The following CNKSR2 variants were observed in gnomAD, a reference collection of about 807,000 sequenced individuals.
The protein encoded by CNKSR2 is CNK homolog protein 2.
In CNKSR2, 14 loss-of-function variants were observed where a neutral mutation model predicts 84.4. That is an observed-to-expected ratio of 0.17 (90% CI 0.11 to 0.26). CNKSR2 has a LOEUF of 0.26. Ranked by LOEUF, CNKSR2 falls within the 10% of genes least tolerant of loss-of-function variation. The probability of loss-of-function intolerance (pLI) is 1.00; values close to 1 mark genes in which losing one functional copy is unlikely to be tolerated. For missense variants in CNKSR2, 485 were observed against 771.2 expected (o/e 0.63, Z 4.40); for synonymous variants, 275 against 277.9 (o/e 0.99, Z 0.10).
chrX:21,390,730 C>T (rs1047706539), intron 1 of CNKSR2, among the ~76,000 whole-genome samples: 5 of 111,907 alleles, frequency 4.5e-5, no homozygotes, highest in African/African-American at 1.6e-4. Flanking sequence ...TTGCAAAATA[C>T]AATCATCCCT....
At chrX:21,604,157 A>C (rs1393861796) in intron 18 of CNKSR2, among the ~76,000 whole-genome samples, 2 of 111,936 alleles carry the variant, frequency 1.8e-5, no homozygotes, top group Non-Finnish European at 3.8e-5. Flanking sequence ...TGCTCTCTCA[A>C]AGACACACAG....
chrX:21,613,713 G>A (rs1055541741), intron 20 of CNKSR2, among the ~76,000 whole-genome samples: 4 of 112,397 alleles, frequency 3.6e-5, no homozygotes, highest in African/African-American at 1.3e-4. Flanking sequence ...GGCCAAGGCG[G>A]AGGATCACTT....
chrX:21,631,817 G>A (rs757741661), intron 20 of CNKSR2, among the ~76,000 whole-genome samples: 57 of 111,512 alleles, frequency 5.1e-4, no homozygotes, highest in Non-Finnish European at 2.1e-4. Flanking sequence ...AAACTACTTC[G>A]TAAAGTAGAA....
intron 11 of CNKSR2, among the ~76,000 whole-genome samples, chrX:21,559,045 A>ACTGT (rs1378012104): frequency 1.8e-5 from 2 of 110,769 alleles, no homozygotes; most frequent in Non-Finnish European, 3.8e-5. Context: ...TGGAGGACTG[A>ACTGT]CTGTGCAAAG....
In CNKSR2 at chrX:21,601,308, C is replaced by T; in HGVS notation, c.2003C>T (p.Thr668Ile). ...TGGCTTAACAGAATTAATATGCTGA[C>T]TGCAGGATATGCAGAAAGAGAGAGG... ...NRWLNRINML[T>I]AGYAERERIK... Residue 668 changes from threonine (T) to isoleucine (I), a missense_variant, in exon 18 of 22, where the codon ACT (threonine) becomes ATT (isoleucine). Physicochemically the swap from Thr to Ile is moderately conservative, Grantham distance 89 (BLOSUM62 -1). Coordinates refer to ENST00000379510, the MANE Select transcript of CNKSR2 (RefSeq NM_014927.5). The T allele has an allele frequency of 8.5e-7, 1 of 1,175,856 alleles. No individual in the cohort carries two copies. The highest frequency in any genetic ancestry group is 1.2e-6 in the Non-Finnish European group (1 of 867,614).
chrX:21,619,913 G>A (rs1416458806), intron 20 of CNKSR2, among the ~76,000 whole-genome samples: 2 of 110,915 alleles, frequency 1.8e-5, no homozygotes, highest in African/African-American at 6.5e-5. Flanking sequence ...GAATCAGTGT[G>A]GCTTTAATAT....
chrX:21,422,864 A>T (rs1444996044), intron 1 of CNKSR2, among the ~76,000 whole-genome samples: 1 of 111,352 alleles, frequency 9.0e-6, no homozygotes, highest in Non-Finnish European at 1.9e-5. Flanking sequence ...TTATGTATCA[A>T]TTTAAGAAAA....
At chrX:21,526,143 G>GA (rs199745177) in intron 9 of CNKSR2, among the ~76,000 whole-genome samples, 1,992 of 110,395 alleles carry the variant, frequency 0.018, 29 homozygotes, top group African/African-American at 0.062. Context: ...ATACAGGCCT[G>GA]AAAATGAGAT....
At chrX:21,397,064 A>G (rs952771718) in intron 1 of CNKSR2, among the ~76,000 whole-genome samples, 6 of 111,588 alleles carry the variant, frequency 5.4e-5, no homozygotes, top group African/African-American at 1.9e-4. Context: ...AACCCCATTT[A>G]TAGTTAAAAT....
intron 1 of CNKSR2, among the ~76,000 whole-genome samples, chrX:21,377,044 T>A (rs890971087): frequency 3.6e-5 from 4 of 112,641 alleles, no homozygotes; most frequent in African/African-American, 1.3e-4. Context: ...AAATTTTTTT[T>A]AAATGTAAGT....
At chrX:21,593,417 G>A (rs1020612920) in intron 15 of CNKSR2, 1 of 111,381 alleles carries the variant, frequency 9.0e-6, no homozygotes, top group African/African-American at 3.3e-5. Flanking sequence ...TAAAAGAATC[G>A]AGAACTCTTT....
At position 21,481,985 on chromosome X, in the gene CNKSR2, G is replaced by A. The variant is rs183240971; in HGVS notation, c.562-8474G>A. On this transcript the variant is annotated intron_variant, in intron 5 of 21. Coordinates refer to ENST00000379510, the MANE Select transcript of CNKSR2 (RefSeq NM_014927.5). ...AGCTTGGTTTCTGCCTTGTGAGACCGGGGACTGGTTCCAGTGCCTGGACTC... is the reference window on the plus strand; with the variant it reads ...AGCTTGGTTTCTGCCTTGTGAGACCAGGGACTGGTTCCAGTGCCTGGACTC... Among the ~76,000 whole-genome samples, 7 of 111,736 alleles carry A rather than the reference G, an allele frequency of 6.3e-5. No homozygotes were observed. The East Asian group carries it at 8.5e-4, about 14-fold the overall frequency.
intron 20 of CNKSR2, among the ~76,000 whole-genome samples, chrX:21,626,444 G>A (rs971806237): frequency 1.4e-4 from 15 of 111,070 alleles, no homozygotes; most frequent in African/African-American, 4.6e-4. Context: ...AGAGAGCTTC[G>A]GTAGGTCACT....
chrX:21,599,339 GGTGTGTGTGTGTGT>G (rs34829122), intron 17 of CNKSR2, among the ~76,000 whole-genome samples: 36 of 82,685 alleles, frequency 4.4e-4, no homozygotes, highest in East Asian at 1.2e-3. Flanking sequence ...TTTTTGTTTT[GGTGTGTGTGTGTGT>G]GTGTGTGTGT....
intron 15 of CNKSR2, chrX:21,593,079 T>A (rs1426273114): frequency 9.0e-6 from 1 of 111,006 alleles, no homozygotes; most frequent in East Asian, 2.8e-4. Flanking sequence ...ACCTTTAATA[T>A]GATAATATTT....
chrX:21,477,754 T>G (rs1192614367), intron 5 of CNKSR2, among the ~76,000 whole-genome samples: 1 of 111,886 alleles, frequency 8.9e-6, no homozygotes, highest in Non-Finnish European at 1.9e-5. Flanking sequence ...ATCAAAACCT[T>G]GAGGATGTGT....
At chrX:21,550,802 G>C (rs887888201) in intron 11 of CNKSR2, among the ~76,000 whole-genome samples, 29 of 111,006 alleles carry the variant, frequency 2.6e-4, no homozygotes, top group African/African-American at 9.5e-4. Context: ...TTGGGAGGCA[G>C]AGGCGGGTGG....
chrX:21,530,425 C>G (rs1442255051), intron 10 of CNKSR2, among the ~76,000 whole-genome samples: 1 of 110,897 alleles, frequency 9.0e-6, no homozygotes, highest in Non-Finnish European at 1.9e-5. Context: ...GAAATACAGG[C>G]TTTTGCCAGA....
chrX:21,473,745 G>GGTTTTTTT (rs1456048288), intron 5 of CNKSR2, among the ~76,000 whole-genome samples: 4 of 67,230 alleles, frequency 5.9e-5, no homozygotes, highest in African/African-American at 4.1e-4. Flanking sequence ...TGTTGGTTTG[G>GGTTTTTTT]TTTTTTTTTT....
Sources: allele counts gnomAD v4.1 joint callset (sites outside exome capture counted in the v4.1 genomes callset), GRCh38; gene constraint gnomAD v4.1.1; transcripts MANE v1.5; gene names NCBI Gene and HGNC (gene_info 2026-07-23, HGNC 2026-07-21).